The following KIRREL3 variants were observed in gnomAD, a reference collection of about 807,000 sequenced individuals.
KIRREL3 encodes the protein kin of IRRE-like protein 3.
KIRREL3 carries 36 observed loss-of-function variants against 89.7 expected under a neutral mutation model. The ratio of observed to expected loss-of-function variants is 0.40; its 90% CI spans 0.31 to 0.53. KIRREL3 has a LOEUF of 0.53. Ranked by LOEUF, KIRREL3 falls within the 20% of genes least tolerant of loss-of-function variation. The pLI, the probability that KIRREL3 is intolerant of heterozygous loss-of-function variation, is 0.49. For synonymous variants in KIRREL3, 445 were observed against 441.4 expected, an observed-to-expected ratio of 1.01 and a Z score of -0.10; for missense variants, 864 against 1,056.6, an observed-to-expected ratio of 0.82 and a Z score of 2.53.
At position 126,627,944 on chromosome 11, in the gene KIRREL3, C is replaced by G. The variant is rs547810450; in HGVS notation, c.56-65032G>C. ...CACATCTTCATTCTGTCTCTCCCAC[C>G]ACCGAGCAAGGCTCGGTCTCCTGGT... On this transcript the variant is annotated intron_variant, in intron 1 of 16. Transcript: ENST00000525144. This position sits in a 1 kb window ranked among gnomAD's most constrained non-coding sequence, Gnocchi z 5.0. 6.6e-6 allele frequency among the ~76,000 whole-genome samples: 1 copy of G among 152,214 alleles called. No individual in the cohort carries two copies. Among genetic ancestry groups the G allele is most frequent in the Admixed American group, 6.5e-5 (1 of 15,284 alleles).
chr11:126,948,148 C>T lies in KIRREL3; in HGVS notation c.55+52307G>A, dbSNP rs1053553804. 6.6e-6 allele frequency among the ~76,000 whole-genome samples: 1 copy of T among 152,166 alleles called. No individual in the cohort carries two copies. The highest frequency in any genetic ancestry group is 1.5e-5 in the Non-Finnish European group (1 of 68,028). On this transcript the variant is annotated intron_variant, in intron 1 of 16. Transcript: ENST00000525144. This position sits in a 1 kb window ranked among gnomAD's most constrained non-coding sequence, Gnocchi z 4.5. The stretch of plus-strand genomic sequence containing the variant: ...TATCCATTGCCTAGTGGTTAACCCT[C>T]AATAAATGCTTTTTGTAATCAACTT...
chr11:126,450,572 C>T (rs1956028183), intron 7 of KIRREL3, among the ~76,000 whole-genome samples: 1 of 127,016 alleles, frequency 7.9e-6, no homozygotes, highest in Non-Finnish European at 1.7e-5. Flanking sequence ...TGTGCGTGTG[C>T]ATGTGTGCAT....
rs1182612801 is a variant in KIRREL3, at chr11:126,430,290, A to T, written c.1697-1002T>A. On this transcript the variant is annotated intron_variant, in intron 14 of 16. Coordinates refer to ENST00000525144, the MANE Select transcript of KIRREL3 (RefSeq NM_032531.4). This position sits in a 1 kb window ranked among gnomAD's most constrained non-coding sequence, Gnocchi z 6.6. ...TGAAATCCTGTCTCTGCAAAAAATT[A>T]AAAAAATAGCAAGGCATGATGGCAC... Among the ~76,000 whole-genome samples the T allele has an allele frequency of 6.6e-6, 1 of 152,040 alleles. No individual in the cohort carries two copies. Among genetic ancestry groups the T allele is most frequent in the African/African-American group, 2.4e-5 (1 of 41,390 alleles).
At chr11:126,831,427 CTCTCTCTT>C (rs1217125267) in intron 1 of KIRREL3, among the ~76,000 whole-genome samples, 2 of 52,774 alleles carry the variant, frequency 3.8e-5, no homozygotes, top group African/African-American at 1.9e-4. Context: ...CTCTCTATCT[CTCTCTCTT>C]TCTCTCTCTC....
intron 8 of KIRREL3, 89 bp from the exon 9 acceptor site, chr11:126,446,975 T>TCAAG: frequency 6.8e-6 from 10 of 1,463,694 alleles, no homozygotes; most frequent in Non-Finnish European, 9.3e-6. Flanking sequence ...CCCTAGACCT[T>TCAAG]GACTGGGGGG....
intron 1 of KIRREL3, among the ~76,000 whole-genome samples, chr11:126,716,543 A>G (rs531123927): frequency 1.3e-5 from 2 of 152,214 alleles, no homozygotes; most frequent in South Asian, 4.1e-4. Flanking sequence ...ACTGACTTTT[A>G]TGGATCTCTA....
chr11:126,647,061 TA>T lies in KIRREL3; in HGVS notation c.56-84150del, dbSNP rs1290914315. Among the ~76,000 whole-genome samples the T allele has an allele frequency of 6.6e-6, 1 of 152,218 alleles. No individual in the cohort carries two copies. The highest frequency in any genetic ancestry group is 1.5e-5 in the Non-Finnish European group (1 of 68,042). Reference sequence around the variant, plus strand: ...GTAATGATGATGACACTTAAGCATTTAGAAAGTATTACTCATCTTCCAACCA... The same window carrying T: ...GTAATGATGATGACACTTAAGCATTTGAAAGTATTACTCATCTTCCAACCA... On this transcript the variant is annotated intron_variant, in intron 1 of 16. Transcript: ENST00000525144. This position sits in a 1 kb window ranked among gnomAD's most constrained non-coding sequence, Gnocchi z 4.9.
At position 126,605,576 on chromosome 11, in the gene KIRREL3, T is replaced by C. The variant is rs115200797; in HGVS notation, c.56-42664A>G. On this transcript the variant is annotated intron_variant, in intron 1 of 16. Transcript: ENST00000525144. This position sits in a 1 kb window ranked among gnomAD's most constrained non-coding sequence, Gnocchi z 5.7. ...TAGGAGCTCTGCTCACAGCCTGTGC[T>C]GGGCACTTCATTTCCCAGAGACAAC... Among the ~76,000 whole-genome samples the C allele has an allele frequency of 8.3e-4, 127 of 152,386 alleles. No individual in the cohort carries two copies. Among genetic ancestry groups the C allele is most frequent in the African/African-American group, 3.0e-3 (123 of 41,594 alleles).
At position 126,953,895 on chromosome 11, in the gene KIRREL3, A is replaced by C. The variant is rs1371276950; in HGVS notation, c.55+46560T>G. Among the ~76,000 whole-genome samples the C allele has an allele frequency of 6.6e-6, 1 of 152,090 alleles. No individual in the cohort carries two copies. Among genetic ancestry groups the C allele is most frequent in the Non-Finnish European group, 1.5e-5 (1 of 68,008 alleles). Reference sequence around the variant, plus strand: ...TGCCTACCACCCGCTTATTTATGTTAATCTGATTTAGATCTTTTCTTTTCC... The same window carrying C: ...TGCCTACCACCCGCTTATTTATGTTCATCTGATTTAGATCTTTTCTTTTCC... On this transcript the variant is annotated intron_variant, in intron 1 of 16. Coordinates refer to ENST00000525144, the MANE Select transcript of KIRREL3 (RefSeq NM_032531.4). The surrounding 1 kb of genome is among the most constrained non-coding windows in gnomAD (Gnocchi z 5.2).
chr11:126,424,615 G>T lies in KIRREL3; in HGVS notation c.2302C>A (p.Arg768=), dbSNP rs368469108. Residue 768 remains arginine (R), a synonymous_variant, in exon 17 of 17, where the codon CGA becomes AGA. Transcript: ENST00000525144. The part of the protein sequence containing the change: ...QSSSQNSDPS[R]PLQRRMQTHV ...GTCTGCATCCGCCGCTGCAGGGGTC[G>T]ACTGGGGTCAGAGTTCTGGGACGAG... 2.5e-5 allele frequency: 40 copies of T among 1,613,920 alleles called. No individual in the cohort carries two copies. In the African/African-American group the frequency reaches 4.3e-4, roughly 17 times the overall value.
At position 126,906,545 on chromosome 11, in the gene KIRREL3, T is replaced by C. The variant is rs928112507; in HGVS notation, c.55+93910A>G. 6.6e-6 allele frequency among the ~76,000 whole-genome samples: 1 copy of C among 152,192 alleles called. No individual in the cohort carries two copies. Among genetic ancestry groups the C allele is most frequent in the Non-Finnish European group, 1.5e-5 (1 of 68,028 alleles). On this transcript the variant is annotated intron_variant, in intron 1 of 16. Transcript: ENST00000525144. This position sits in a 1 kb window ranked among gnomAD's most constrained non-coding sequence, Gnocchi z 4.1. ...AATCTCCCTCCAGCAGAGAAGTGGA[T>C]AGGGACCCCCCTGCCATGAAAAACA...
At chr11:126,596,394 C>T (rs545818879) in intron 1 of KIRREL3, among the ~76,000 whole-genome samples, 1 of 152,258 alleles carries the variant, frequency 6.6e-6, no homozygotes, top group South Asian at 2.1e-4. Flanking sequence ...GTAGTGAGGC[C>T]CAGAGAGGTA....
chr11:126,607,823 G>A lies in KIRREL3; in HGVS notation c.56-44911C>T, dbSNP rs1361888960. 6.6e-6 allele frequency among the ~76,000 whole-genome samples: 1 copy of A among 152,152 alleles called. No individual in the cohort carries two copies. The highest frequency in any genetic ancestry group is 1.9e-4 in the East Asian group (1 of 5,190). ...CAGGGTACACAGATGAATAGGGAGC[G>A]TTGCTGAGCACTTGCAATCAAGACA... On this transcript the variant is annotated intron_variant, in intron 1 of 16. Coordinates refer to ENST00000525144, the MANE Select transcript of KIRREL3 (RefSeq NM_032531.4). This position sits in a 1 kb window ranked among gnomAD's most constrained non-coding sequence, Gnocchi z 6.6.
chr11:126,736,051 G>C lies in KIRREL3; in HGVS notation c.56-173139C>G, dbSNP rs548032203. On this transcript the variant is annotated intron_variant, in intron 1 of 16. Coordinates refer to ENST00000525144, the MANE Select transcript of KIRREL3 (RefSeq NM_032531.4). The surrounding 1 kb of genome is among the most constrained non-coding windows in gnomAD (Gnocchi z 5.0). ...TTGAGAGTTTTTATGAAACTGCCTA[G>C]CGTAGTGCCTAGCAGAGAGTACATG... is the stretch of plus-strand genomic sequence containing the variant. 6.6e-6 allele frequency among the ~76,000 whole-genome samples: 1 copy of C among 152,306 alleles called. No individual in the cohort carries two copies. The highest frequency in any genetic ancestry group is 2.1e-4 in the South Asian group (1 of 4,828).
intron 1 of KIRREL3, among the ~76,000 whole-genome samples, chr11:126,804,304 A>AGAT (rs1274483601): frequency 4.6e-5 from 7 of 152,316 alleles, no homozygotes; most frequent in Admixed American, 4.6e-4. Flanking sequence ...CAAAGTCTGA[A>AGAT]GATGACCTTT....
At chr11:126,858,720 G>A (rs1284134579) in intron 1 of KIRREL3, among the ~76,000 whole-genome samples, 1 of 152,212 alleles carries the variant, frequency 6.6e-6, no homozygotes, top group Non-Finnish European at 1.5e-5. Context: ...GATGAAAGAT[G>A]TGTAAACAGT....
Position 126,521,676 on chromosome 11 carries a change from ATGTG to A in KIRREL3, c.284-216_284-213del, listed in dbSNP as rs55838363. Among the ~76,000 whole-genome samples, 1,789 of 143,406 alleles carry A rather than the reference ATGTG, an allele frequency of 0.012. 14 individuals carry two copies. The highest frequency in any genetic ancestry group is 0.025 in the African/African-American group (963 of 38,582). 94.1% of individuals were successfully genotyped at this position (143,406 alleles called of 152,430 possible). On this transcript the variant is annotated intron_variant, in intron 3 of 16. Coordinates refer to ENST00000525144, the MANE Select transcript of KIRREL3 (RefSeq NM_032531.4). This position sits in a 1 kb window ranked among gnomAD's most constrained non-coding sequence, Gnocchi z 4.1. ...GTTGGTTCTCTCTCTCTCTCTCTGT[ATGTG>A]TGTGTGTGTGTGTGTGTGTGTGTGT...
chr11:126,552,891 G>T (rs1278680476), intron 2 of KIRREL3, among the ~76,000 whole-genome samples: 2 of 151,844 alleles, frequency 1.3e-5, no homozygotes, highest in African/African-American at 4.8e-5. Context: ...TAGCTGAGTT[G>T]GGAAAGAAAG....
At chr11:126,925,836 C>A (rs545403795) in intron 1 of KIRREL3, among the ~76,000 whole-genome samples, 69 of 152,360 alleles carry the variant, frequency 4.5e-4, no homozygotes, top group Admixed American at 2.2e-3. Context: ...CCTCTCCTGC[C>A]ACCGCATGTC....
Sources: gnomAD v4.1 joint callset for allele counts (sites outside exome capture counted in the v4.1 genomes callset) on GRCh38, gnomAD v4.1.1 for gene constraint, Gnocchi (gnomAD v3.1) non-coding constraint, MANE v1.5 for transcripts, NCBI Gene and HGNC (gene_info 2026-07-23, HGNC 2026-07-21) for gene names.